The following MND1 variants were observed in gnomAD, a reference collection of about 807,000 sequenced individuals.
The protein encoded by MND1 is meiotic nuclear divisions 1, also known as meiotic nuclear division protein 1 homolog.
A neutral mutation model predicts 35.1 loss-of-function variants in MND1; 28 were observed. That is an observed-to-expected ratio of 0.80 (90% CI 0.59 to 1.09). The LOEUF is 1.09. MND1 is among the 50% of genes least tolerant of loss of function. The pLI is 0.00. For missense variants in MND1, 213 were observed against 239.6 expected (o/e 0.89, Z 0.73); for synonymous variants, 69 against 70.5 (o/e 0.98, Z 0.11).
At chr4:153,368,951 G>A (rs2149639360) in intron 4 of MND1, among the ~76,000 whole-genome samples, 1 of 152,338 alleles carries the variant, frequency 6.6e-6, no homozygotes, top group Middle Eastern at 3.4e-3. Flanking sequence ...CAGTTCTTGT[G>A]ACTCGTGAAT....
At chr4:153,376,829 C>A (rs1728523943) in intron 4 of MND1, among the ~76,000 whole-genome samples, 1 of 152,170 alleles carries the variant, frequency 6.6e-6, no homozygotes, top group Non-Finnish European at 1.5e-5. Flanking sequence ...TGTTGGCTTA[C>A]TCAACCCCAT....
intron 2 of MND1, among the ~76,000 whole-genome samples, chr4:153,354,982 G>A (rs926895016): frequency 2.6e-5 from 4 of 151,998 alleles, no homozygotes; most frequent in Admixed American, 2.6e-4. Flanking sequence ...GGGCAAAATG[G>A]TGAGACCCTC....
intron 7 of MND1, among the ~76,000 whole-genome samples, chr4:153,413,564 G>C (rs942943187): frequency 6.6e-6 from 1 of 151,864 alleles, no homozygotes; most frequent in East Asian, 1.9e-4. Context: ...TGTTGTCTCT[G>C]CCACTCGTGG....
intron 4 of MND1, among the ~76,000 whole-genome samples, chr4:153,389,328 G>C (rs1728957400): frequency 1.3e-5 from 2 of 151,900 alleles, no homozygotes; most frequent in Admixed American, 6.6e-5. Context: ...GCTCTTTAAG[G>C]GAATATTATG....
chr4:153,382,296 A>G (rs1171285468), intron 4 of MND1, among the ~76,000 whole-genome samples: 1 of 152,226 alleles, frequency 6.6e-6, no homozygotes, highest in Non-Finnish European at 1.5e-5. Flanking sequence ...TTAAAGTTAT[A>G]TGCATTCACC....
intron 6 of MND1, among the ~76,000 whole-genome samples, chr4:153,397,604 C>T (rs1561076564): frequency 6.6e-6 from 1 of 151,776 alleles, no homozygotes; most frequent in Non-Finnish European, 1.5e-5. Context: ...ATTGCTTGAG[C>T]TCAGGAGTTC....
intron 4 of MND1, among the ~76,000 whole-genome samples, chr4:153,390,889 ATGTGTGTGTGTGTG>A (rs58003087): frequency 1.4e-5 from 2 of 139,774 alleles, no homozygotes; most frequent in African/African-American, 5.2e-5. Context: ...AGGTATATAT[ATGTGTGTGTGTGTG>A]TGTGTGTGTG....
At chr4:153,350,414 T>C (rs891040583) in intron 2 of MND1, among the ~76,000 whole-genome samples, 1 of 152,160 alleles carries the variant, frequency 6.6e-6, no homozygotes. Context: ...AAAATAATAA[T>C]GATGAAAGCC....
At chr4:153,355,118 C>A (rs574814974) in intron 2 of MND1, among the ~76,000 whole-genome samples, 1 of 151,938 alleles carries the variant, frequency 6.6e-6, no homozygotes, top group Admixed American at 6.6e-5. Context: ...GAGCCATGAT[C>A]GTGCCACTGT....
intron 4 of MND1, among the ~76,000 whole-genome samples, chr4:153,364,668 T>TA (rs1035123115): frequency 3.9e-4 from 60 of 152,226 alleles, no homozygotes; most frequent in African/African-American, 1.4e-3. Context: ...ATAAACAAAA[T>TA]GTGAAAGTGG....
intron 6 of MND1, among the ~76,000 whole-genome samples, chr4:153,400,888 A>T (rs553859629): frequency 6.6e-6 from 1 of 152,342 alleles, no homozygotes; most frequent in African/African-American, 2.4e-5. Context: ...AAGTTATTAT[A>T]ACTGTATTCC....
intron 4 of MND1, among the ~76,000 whole-genome samples, chr4:153,366,101 C>T (rs1378569595): frequency 6.6e-6 from 1 of 152,168 alleles, no homozygotes; most frequent in African/African-American, 2.4e-5. Flanking sequence ...CTGTGGGCTG[C>T]CAGCATTCTT....
At chr4:153,402,477 T>C (rs943187320) in intron 6 of MND1, among the ~76,000 whole-genome samples, 1 of 152,226 alleles carries the variant, frequency 6.6e-6, no homozygotes, top group Non-Finnish European at 1.5e-5. Context: ...TACAGGAGCC[T>C]ACTGAGGAAA....
chr4:153,413,633 A>G (rs12498768), intron 7 of MND1, among the ~76,000 whole-genome samples: 41,331 of 150,782 alleles, frequency 0.27, 6,398 homozygotes, highest in African/African-American at 0.42. Flanking sequence ...AGCTGAGATT[A>G]TACCACTCAC....
chr4:153,392,346 C>T (rs540059470), intron 4 of MND1, among the ~76,000 whole-genome samples: 9 of 152,112 alleles, frequency 5.9e-5, no homozygotes, highest in East Asian at 1.9e-4. Context: ...ACCTCGTGAT[C>T]GGCCCGCCTC....
intron 4 of MND1, among the ~76,000 whole-genome samples, chr4:153,376,746 G>A (rs558657833): frequency 1.3e-5 from 2 of 152,130 alleles, no homozygotes; most frequent in African/African-American, 4.8e-5. Context: ...TTCCTGTTCT[G>A]ACTTACATAT....
chr4:153,407,721 A>G (rs913770351), intron 6 of MND1, among the ~76,000 whole-genome samples: 4 of 152,252 alleles, frequency 2.6e-5, no homozygotes, highest in African/African-American at 9.6e-5. Context: ...GTATTGATAC[A>G]TGAATGAACC....
At chr4:153,359,448 C>G (rs1773424501) in intron 4 of MND1, among the ~76,000 whole-genome samples, 1 of 152,156 alleles carries the variant, frequency 6.6e-6, no homozygotes, top group South Asian at 2.1e-4. Flanking sequence ...TGAGGAACAT[C>G]TGGGTCACAT....
intron 4 of MND1, among the ~76,000 whole-genome samples, chr4:153,379,333 AAAAGAAACCAC>A (rs1339770004): frequency 2.8e-4 from 42 of 151,648 alleles, no homozygotes; most frequent in African/African-American, 9.9e-4. Context: ...AAGAAAAAAA[AAAAGAAACCAC>A]AAAAGCTACA....
Sources: gnomAD v4.1 joint callset for allele counts (sites outside exome capture counted in the v4.1 genomes callset) on GRCh38, gnomAD v4.1.1 for gene constraint, MANE v1.5 for transcripts, NCBI Gene and HGNC (gene_info 2026-07-23, HGNC 2026-07-21) for gene names.